Variants in RGPD2 observed in about 807,000 individuals in gnomAD.
RGPD2 encodes RANBP2-like and GRIP domain-containing protein 2.
A neutral mutation model predicts 36.0 loss-of-function variants in RGPD2; 2 were observed. That is an observed-to-expected ratio of 0.06 (90% CI 0.02 to 0.17). The LOEUF is 0.17. Ranked by LOEUF, RGPD2 falls within the 10% of genes least tolerant of loss-of-function variation. RGPD2 has a pLI of 1.00. For synonymous variants in RGPD2, 19 were observed against 163.8 expected, an observed-to-expected ratio of 0.12 and a Z score of 6.75; for missense variants, 40 against 464.3, an observed-to-expected ratio of 0.09 and a Z score of 8.40.
At chr2:87,769,579 G>A (rs1162216007) in intron 22 of RGPD2, among the ~76,000 whole-genome samples, 1 of 151,246 alleles carries the variant, frequency 6.6e-6, no homozygotes, top group Non-Finnish European at 1.5e-5. Context: ...TAACTTATAG[G>A]AGCCACCTGG....
chr2:87,894,282 A>T, the RGPD2 span, among the ~76,000 whole-genome samples: 2 of 151,978 alleles, frequency 1.3e-5, no homozygotes, highest in Admixed American at 6.6e-5. Flanking sequence ...GCTTAAACCT[A>T]TATTTGATAC....
intron 22 of RGPD2, chr2:87,771,395 T>TTTTTG (rs1685109086): frequency 3.5e-5 from 1 of 28,254 alleles, no homozygotes; most frequent in South Asian, 1.3e-3. Flanking sequence ...TTTTTTTTTT[T>TTTTTG]TTTTTTTTTT....
chr2:87,761,038 G>A (rs1319251805), intron 22 of RGPD2, among the ~76,000 whole-genome samples: 3 of 83,930 alleles, frequency 3.6e-5, no homozygotes, highest in African/African-American at 1.3e-4. Flanking sequence ...CTCATTGTGT[G>A]TCAGCTTTTG....
chr2:87,961,753 A>G, the RGPD2 span, among the ~76,000 whole-genome samples: 1 of 148,596 alleles, frequency 6.7e-6, no homozygotes, highest in African/African-American at 2.5e-5. Context: ...TGCGGGTGGA[A>G]CACTTAGAGG....
chr2:87,986,837 G>T, the RGPD2 span, among the ~76,000 whole-genome samples: 1 of 149,642 alleles, frequency 6.7e-6, no homozygotes, highest in African/African-American at 2.5e-5. Context: ...CCAAGATCAC[G>T]CCATTGCACT....
At chr2:87,876,700 G>C in the RGPD2 span, among the ~76,000 whole-genome samples, 1 of 152,260 alleles carries the variant, frequency 6.6e-6, no homozygotes, top group East Asian at 1.9e-4. Flanking sequence ...TTTTTGGGTA[G>C]AGACTTCTTT....
the RGPD2 span, among the ~76,000 whole-genome samples, chr2:87,882,401 C>G: frequency 2.0e-5 from 3 of 152,240 alleles, no homozygotes; most frequent in African/African-American, 7.2e-5. Context: ...TGAAAATCAA[C>G]TCACACTAGT....
intron 6 of RGPD2, among the ~76,000 whole-genome samples, chr2:87,809,303 T>G (rs1686061583): frequency 6.7e-6 from 1 of 149,446 alleles, no homozygotes; most frequent in Non-Finnish European, 1.5e-5. Flanking sequence ...AGACTCCGTC[T>G]CAAAAAAAAA....
chr2:87,809,606 A>AGG (rs529559005), intron 6 of RGPD2, among the ~76,000 whole-genome samples: 6 of 135,160 alleles, frequency 4.4e-5, no homozygotes, highest in African/African-American at 1.3e-4. Flanking sequence ...GAGGTTCACA[A>AGG]GGGGGGGTAA....
the RGPD2 span, among the ~76,000 whole-genome samples, chr2:87,914,930 C>G: frequency 6.6e-6 from 1 of 152,084 alleles, no homozygotes; most frequent in South Asian, 2.1e-4. Context: ...GGCGGATCAC[C>G]TAAGGTTGGG....
chr2:87,896,912 G>A, the RGPD2 span, among the ~76,000 whole-genome samples: 17 of 147,588 alleles, frequency 1.2e-4, no homozygotes, highest in Middle Eastern at 3.4e-3. Context: ...TTATATTTCC[G>A]TTAAAATAAT....
chr2:87,852,533 A>G, the RGPD2 span, among the ~76,000 whole-genome samples: 1 of 152,224 alleles, frequency 6.6e-6, no homozygotes, highest in African/African-American at 2.4e-5. Flanking sequence ...CAGACTTCCC[A>G]TTTATTGGAC....
chr2:87,919,096 A>G, the RGPD2 span, among the ~76,000 whole-genome samples: 1 of 150,646 alleles, frequency 6.6e-6, no homozygotes, highest in Admixed American at 6.6e-5. Context: ...GGTGGCAGTT[A>G]CCTCCAGTAT....
chr2:87,941,197 A>G, the RGPD2 span, among the ~76,000 whole-genome samples: 925 of 150,630 alleles, frequency 6.1e-3, 25 homozygotes, highest in Admixed American at 0.05. Context: ...CAGCAGATCA[A>G]AACTAAATCC....
chr2:87,920,579 T>C, the RGPD2 span, among the ~76,000 whole-genome samples: 5 of 131,854 alleles, frequency 3.8e-5, no homozygotes, highest in African/African-American at 1.5e-4. Context: ...GGGATAGAAC[T>C]TTCTAGAAAC....
At chr2:87,839,355 A>G in the RGPD2 span, among the ~76,000 whole-genome samples, 3 of 152,080 alleles carry the variant, frequency 2.0e-5, no homozygotes, top group Non-Finnish European at 4.4e-5. Context: ...AATGGCTATT[A>G]TCAAAAAGTC....
chr2:87,873,047 C>A, the RGPD2 span, among the ~76,000 whole-genome samples: 30 of 152,372 alleles, frequency 2.0e-4, no homozygotes, highest in East Asian at 3.9e-4. Context: ...CATGAGCCAC[C>A]GTGCCTGGCC....
intron 1 of RGPD2, chr2:87,825,054 CA>C (rs1202494025): frequency 2.6e-6 from 1 of 390,210 alleles, no homozygotes; most frequent in Non-Finnish European, 4.5e-6. Flanking sequence ...CTACCCCCCT[CA>C]CCAAAGCCCA....
the RGPD2 span, among the ~76,000 whole-genome samples, chr2:87,947,826 TTGTC>T: frequency 6.6e-6 from 1 of 152,308 alleles, no homozygotes; most frequent in African/African-American, 2.4e-5. Context: ...AAGTGGTTAA[TTGTC>T]TGTGTTTCTC....
Sources: allele counts gnomAD v4.1 joint callset (sites outside exome capture counted in the v4.1 genomes callset), GRCh38; gene constraint gnomAD v4.1.1; transcripts MANE v1.5; gene names NCBI Gene and HGNC (gene_info 2026-07-23, HGNC 2026-07-21).